The following MACROD2 variants were observed in gnomAD, a reference collection of about 807,000 sequenced individuals.
MACROD2 encodes the protein ADP-ribose glycohydrolase MACROD2.
In MACROD2, 36 loss-of-function variants were observed where a neutral mutation model predicts 70.4. The ratio of observed to expected loss-of-function variants is 0.51; its 90% CI spans 0.39 to 0.68. MACROD2 has a LOEUF of 0.68. Among genes scored for constraint, MACROD2 ranks in the 30% least tolerant of loss-of-function variants. The pLI is 0.00. For synonymous variants in MACROD2, 172 were observed against 178.8 expected (o/e 0.96, Z 0.30); for missense variants, 496 against 538.4 (o/e 0.92, Z 0.78).
chr20:16,028,319 G>A (rs1366638610), intron 15 of MACROD2, among the ~76,000 whole-genome samples: 1 of 152,078 alleles, frequency 6.6e-6, no homozygotes, highest in African/African-American at 2.4e-5. Context: ...AACTCCATGA[G>A]GGCAGAGGTG....
chr20:15,996,404 G>A (rs186328199), intron 15 of MACROD2, among the ~76,000 whole-genome samples: 4 of 152,162 alleles, frequency 2.6e-5, no homozygotes, highest in Admixed American at 1.3e-4. Context: ...TTTTGAAAGA[G>A]TTTGAGTAAG....
intron 6 of MACROD2, among the ~76,000 whole-genome samples, chr20:15,380,470 A>G (rs1262572516): frequency 2.0e-5 from 3 of 152,090 alleles, no homozygotes; most frequent in Non-Finnish European, 4.4e-5. Context: ...TATTTAACAA[A>G]TTGAATGATA....
chr20:14,486,949 C>CA (rs1213350633), intron 3 of MACROD2, among the ~76,000 whole-genome samples: 1 of 152,124 alleles, frequency 6.6e-6, no homozygotes, highest in African/African-American at 2.4e-5. Flanking sequence ...AGCCCAAACA[C>CA]AAAATTAAAA....
chr20:14,482,047 T>G (rs2084669685), intron 3 of MACROD2, among the ~76,000 whole-genome samples: 1 of 152,182 alleles, frequency 6.6e-6, no homozygotes, highest in African/African-American at 2.4e-5. Flanking sequence ...CTAATGGAAA[T>G]GAATCATACA....
intron 2 of MACROD2, among the ~76,000 whole-genome samples, chr20:14,007,393 T>A (rs1354186627): frequency 6.6e-6 from 1 of 152,128 alleles, no homozygotes; most frequent in African/African-American, 2.4e-5. Context: ...CTTCTCTGTC[T>A]CTTCCTCCCT....
intron 6 of MACROD2, among the ~76,000 whole-genome samples, chr20:15,234,706 T>C (rs945346351): frequency 1.3e-5 from 2 of 151,982 alleles, no homozygotes; most frequent in Admixed American, 6.6e-5. Context: ...TAAAACATAC[T>C]AACAGAAATC....
chr20:14,530,193 C>T (rs778585519), intron 4 of MACROD2, among the ~76,000 whole-genome samples: 12 of 152,126 alleles, frequency 7.9e-5, no homozygotes, highest in Non-Finnish European at 1.6e-4. Context: ...TTAATGTCCC[C>T]AGGGCCCTTG....
At chr20:14,725,490 A>C (rs1161314332) in intron 5 of MACROD2, among the ~76,000 whole-genome samples, 2 of 152,248 alleles carry the variant, frequency 1.3e-5, no homozygotes, top group East Asian at 3.9e-4. Flanking sequence ...GAAAAATAGA[A>C]TATGAAGCCC....
intron 3 of MACROD2, among the ~76,000 whole-genome samples, chr20:14,254,514 T>C (rs941138567): frequency 6.6e-6 from 1 of 152,140 alleles, no homozygotes; most frequent in Non-Finnish European, 1.5e-5. Context: ...ATTGAGTCTT[T>C]AATTATATTC....
At position 15,937,478 on chromosome 20, in the gene MACROD2, G is replaced by A; in HGVS notation, c.841G>A (p.Gly281Ser). Residue 281 changes from glycine to serine, a missense_variant and splice_region_variant, in exon 12 of 18, where the codon GGT becomes AGT. Coordinates refer to ENST00000684519, the MANE Select transcript of MACROD2 (RefSeq NM_001351661.2). Reference protein sequence around the residue: ...EMEEQSQDADGVNTVTVPGPA... With the variant: ...EMEEQSQDADSVNTVTVPGPA... ...AGTGTTTCTTTTCTGCTTTATAGAT[G>A]GTGTCAACACTGTCACTGTGCCCGG... 2 of 1,613,126 alleles carry A rather than the reference G, an allele frequency of 1.2e-6. No homozygotes were observed. The highest frequency in any genetic ancestry group is 8.5e-7 in the Non-Finnish European group (1 of 1,179,420).
At chr20:14,728,192 A>T (rs577429281) in intron 5 of MACROD2, among the ~76,000 whole-genome samples, 1 of 152,238 alleles carries the variant, frequency 6.6e-6, no homozygotes, top group South Asian at 2.1e-4. Context: ...CTGTTAATTT[A>T]AAGTTACTTA....
chr20:14,752,969 T>A (rs2071893705), intron 5 of MACROD2, among the ~76,000 whole-genome samples: 1 of 152,102 alleles, frequency 6.6e-6, no homozygotes, highest in African/African-American at 2.4e-5. Flanking sequence ...CATAATTATA[T>A]GCCTGAAGAA....
intron 5 of MACROD2, among the ~76,000 whole-genome samples, chr20:15,170,263 A>G (rs538341215): frequency 2.0e-5 from 3 of 152,370 alleles, no homozygotes; most frequent in Admixed American, 6.5e-5. Flanking sequence ...GAAAAACCAC[A>G]TGAATATTAT....
At chr20:15,280,575 T>G (rs1474701910) in intron 6 of MACROD2, among the ~76,000 whole-genome samples, 1 of 152,234 alleles carries the variant, frequency 6.6e-6, no homozygotes, top group Non-Finnish European at 1.5e-5. Context: ...AAGAGAAATC[T>G]AAGGCTGCTA....
At chr20:14,733,581 A>C (rs559285703) in intron 5 of MACROD2, among the ~76,000 whole-genome samples, 1 of 152,006 alleles carries the variant, frequency 6.6e-6, no homozygotes, top group Admixed American at 6.6e-5. Context: ...AGAGTGTAGA[A>C]AAATGAATTC....
At chr20:14,058,646 CTTTT>C (rs374361854) in intron 2 of MACROD2, among the ~76,000 whole-genome samples, 3 of 133,174 alleles carry the variant, frequency 2.3e-5, no homozygotes, top group Admixed American at 1.5e-4. Context: ...TTCCTTTTAC[CTTTT>C]TTTTTTTTTT....
At chr20:14,591,008 T>C (rs1028836057) in intron 4 of MACROD2, among the ~76,000 whole-genome samples, 8 of 152,132 alleles carry the variant, frequency 5.3e-5, no homozygotes, top group South Asian at 2.1e-4. Context: ...ATAGATACAT[T>C]TTGATGTTAT....
At chr20:15,495,236 A>G (rs960055372) in intron 7 of MACROD2, among the ~76,000 whole-genome samples, 4 of 152,136 alleles carry the variant, frequency 2.6e-5, no homozygotes, top group Non-Finnish European at 5.9e-5. Flanking sequence ...TTGTCTATTC[A>G]TTGGTCTTAT....
At chr20:15,085,462 G>A (rs1251328940) in intron 5 of MACROD2, among the ~76,000 whole-genome samples, 2 of 152,074 alleles carry the variant, frequency 1.3e-5, no homozygotes, top group East Asian at 1.9e-4. Context: ...CTGGCCCACA[G>A]AAGGAGAGAA....
Sources: gnomAD v4.1 joint callset for allele counts (sites outside exome capture counted in the v4.1 genomes callset) on GRCh38, gnomAD v4.1.1 for gene constraint, MANE v1.5 for transcripts, NCBI Gene and HGNC (gene_info 2026-07-23, HGNC 2026-07-21) for gene names.